TENM2: variants seen among roughly 807,000 people sequenced by gnomAD.
TENM2 encodes teneurin-2.
In TENM2, 52 loss-of-function variants were observed where a neutral mutation model predicts 245.2. The observed-to-expected ratio is 0.21, with a 90% confidence interval of 0.17 to 0.27. The LOEUF (loss-of-function observed/expected upper bound fraction) is 0.27. TENM2 is among the 10% of genes least tolerant of loss of function. TENM2 has a pLI of 1.00. For synonymous variants in TENM2, 1,363 were observed against 1,438.9 expected, an observed-to-expected ratio of 0.95 and a Z score of 1.19; for missense variants, 3,046 against 3,666.8, an observed-to-expected ratio of 0.83 and a Z score of 4.37.
At chr5:167,664,836 T>TA (rs1382380029) in intron 2 of TENM2, among the ~76,000 whole-genome samples, 2 of 152,200 alleles carry the variant, frequency 1.3e-5, no homozygotes, top group African/African-American at 4.8e-5. Flanking sequence ...GGGGCATCCC[T>TA]AACTGGGAAA....
At chr5:167,115,562 C>G in the TENM2 span, among the ~76,000 whole-genome samples, 1 of 152,180 alleles carries the variant, frequency 6.6e-6, no homozygotes, top group South Asian at 2.1e-4. Flanking sequence ...AAGAACTACT[C>G]ATTGAAATTC....
intron 12 of TENM2, among the ~76,000 whole-genome samples, chr5:168,160,499 TG>T (rs1026313712): frequency 6.6e-6 from 1 of 152,182 alleles, no homozygotes; most frequent in African/African-American, 2.4e-5. Flanking sequence ...ACAGATTCCC[TG>T]GTAAGAGTCT....
At chr5:168,154,203 A>T (rs1581468834) in intron 12 of TENM2, among the ~76,000 whole-genome samples, 1 of 150,980 alleles carries the variant, frequency 6.6e-6, no homozygotes, top group African/African-American at 2.4e-5. Context: ...CCAAAAAGTA[A>T]GATACATCTT....
chr5:167,688,482 T>C (rs1266916273), intron 2 of TENM2, among the ~76,000 whole-genome samples: 2 of 152,198 alleles, frequency 1.3e-5, no homozygotes, highest in Non-Finnish European at 2.9e-5. Context: ...AAAACACTAG[T>C]GTTCCAACTA....
chr5:167,442,475 T>C (rs1764928833), intron 2 of TENM2, among the ~76,000 whole-genome samples: 1 of 152,096 alleles, frequency 6.6e-6, no homozygotes, highest in East Asian at 1.9e-4. Context: ...TAAGTAGTAA[T>C]ATCACTCAAG....
chr5:167,855,498 G>A (rs562773399), intron 2 of TENM2, among the ~76,000 whole-genome samples: 11 of 151,862 alleles, frequency 7.2e-5, no homozygotes, highest in Admixed American at 1.3e-4. Flanking sequence ...TGTTTTTGCC[G>A]TTATTTATGT....
At chr5:167,350,722 T>TACATATATGG in intron 1 of TENM2, among the ~76,000 whole-genome samples, 2 of 139,000 alleles carry the variant, frequency 1.4e-5, no homozygotes, top group African/African-American at 2.6e-5. Context: ...ATATATGGGA[T>TACATATATGG]ATATACATAT....
intron 2 of TENM2, among the ~76,000 whole-genome samples, chr5:167,743,319 GA>G (rs2150601950): frequency 6.6e-6 from 1 of 152,248 alleles, no homozygotes; most frequent in South Asian, 2.1e-4. Context: ...AAAACATGGG[GA>G]CTGAGGGCCT....
chr5:167,569,009 G>A (rs1298565754), intron 2 of TENM2, among the ~76,000 whole-genome samples: 1 of 149,384 alleles, frequency 6.7e-6, no homozygotes, highest in African/African-American at 2.5e-5. Flanking sequence ...GGCCTGAGGG[G>A]CCCATCTTCA....
the TENM2 span, among the ~76,000 whole-genome samples, chr5:167,087,004 A>G: frequency 6.6e-6 from 1 of 151,286 alleles, no homozygotes; most frequent in Non-Finnish European, 1.5e-5. Context: ...TTGTGATTTA[A>G]TTGATCTGGG....
At chr5:167,710,348 GA>G (rs11336741) in intron 2 of TENM2, among the ~76,000 whole-genome samples, 44,750 of 151,896 alleles carry the variant, frequency 0.29, 7,255 homozygotes, top group East Asian at 0.48. Context: ...TTTCATGGGG[GA>G]AAAAAACAAC....
chr5:168,204,952 T>G (rs1305257769), intron 19 of TENM2, among the ~76,000 whole-genome samples: 2 of 152,218 alleles, frequency 1.3e-5, no homozygotes, highest in African/African-American at 4.8e-5. Context: ...ATTTGCTAAT[T>G]CAAAATGTTG....
At chr5:167,006,925 C>T in the TENM2 span, among the ~76,000 whole-genome samples, 46 of 152,288 alleles carry the variant, frequency 3.0e-4, no homozygotes, top group African/African-American at 7.2e-4. Flanking sequence ...CCTCGGCCTC[C>T]GAAAGTGCTG....
At chr5:168,237,295 G>A (rs1229546742) in intron 25 of TENM2, among the ~76,000 whole-genome samples, 2 of 151,502 alleles carry the variant, frequency 1.3e-5, no homozygotes, top group Non-Finnish European at 2.9e-5. Flanking sequence ...TGGGATTATA[G>A]GTGTGAGCCA....
At chr5:167,246,371 A>G in the TENM2 span, among the ~76,000 whole-genome samples, 1 of 152,166 alleles carries the variant, frequency 6.6e-6, no homozygotes, top group African/African-American at 2.4e-5. Flanking sequence ...TCATATACCT[A>G]TGCAAAATGT....
the TENM2 span, among the ~76,000 whole-genome samples, chr5:166,993,403 G>A: frequency 2.0e-5 from 3 of 152,126 alleles, no homozygotes; most frequent in South Asian, 4.1e-4. Context: ...GGAAGAATCC[G>A]TAGGAAGCTG....
chr5:167,397,481 G>T (rs1010664386), intron 2 of TENM2, among the ~76,000 whole-genome samples: 1 of 152,056 alleles, frequency 6.6e-6, no homozygotes, highest in Non-Finnish European at 1.5e-5. Context: ...GATAGGTTTT[G>T]TTGCAAACCG....
the TENM2 span, among the ~76,000 whole-genome samples, chr5:167,237,361 G>A: frequency 6.6e-6 from 1 of 152,092 alleles, no homozygotes; most frequent in African/African-American, 2.4e-5. Context: ...TTTTTCACTT[G>A]TTGACACCTG....
chr5:167,010,965 A>G, the TENM2 span, among the ~76,000 whole-genome samples: 2 of 152,206 alleles, frequency 1.3e-5, no homozygotes, highest in African/African-American at 2.4e-5. Context: ...ATTTACTACA[A>G]TTATCCTGTT....
Sources: allele counts gnomAD v4.1 joint callset (sites outside exome capture counted in the v4.1 genomes callset), GRCh38; gene constraint gnomAD v4.1.1; transcripts MANE v1.5; gene names NCBI Gene and HGNC (gene_info 2026-07-23, HGNC 2026-07-21).